CEACAM8: variants seen among roughly 807,000 people sequenced by gnomAD.
CEACAM8 encodes the protein CEA cell adhesion molecule 8.
Under a neutral mutation model 33.4 loss-of-function variants are expected in CEACAM8, and 31 were observed. The observed-to-expected ratio is 0.93, with a 90% confidence interval of 0.70 to 1.25. The LOEUF is 1.25. Among genes scored for constraint, CEACAM8 ranks in the 50% most tolerant of loss-of-function variants. CEACAM8 has a pLI of 0.00. For synonymous variants in CEACAM8, 138 were observed against 164.5 expected (o/e 0.84, Z 1.23); for missense variants, 388 against 434.6 (o/e 0.89, Z 0.95).
rs1042765790 is a variant in CEACAM8, at chr19:42,580,756, A to G, written c.*638T>C. The G allele has an allele frequency of 6.6e-6, 1 of 152,226 alleles. No homozygotes were observed. Among genetic ancestry groups the G allele is most frequent in the Non-Finnish European group, 1.5e-5 (1 of 68,040 alleles). The allele number at this position is 152,226 out of a possible 1,614,324, so 9.4% of individuals were successfully genotyped here. On this transcript the variant is annotated 3_prime_UTR_variant, in exon 6 of 6. Transcript: ENST00000244336. ...AAAGATAAAGAAATTCATAAATCTG[A>G]AAAAGAAAACACTTAAAGAATTGGC... is the stretch of plus-strand genomic sequence containing the variant.
intron 2 of CEACAM8, 35 bp downstream of exon 2, chr19:42,593,506 C>A: frequency 1.3e-6 from 2 of 1,538,172 alleles, no homozygotes; most frequent in Admixed American, 4.0e-5. Context: ...GTAGAACTGA[C>A]CCCCAACACC....
In CEACAM8 at chr19:42,588,829, C is replaced by T. The variant is rs746666064; in HGVS notation, c.913G>A (p.Ala305Thr). The T allele has an allele frequency of 3.7e-6, 6 of 1,614,162 alleles. No homozygotes were observed. In the South Asian group the frequency reaches 6.6e-5, roughly 18 times the overall value. ...GSYACHTTNSATGRNRTTVRM... is the reference protein window; with the variant it reads ...GSYACHTTNSTTGRNRTTVRM... The stretch of plus-strand genomic sequence containing the variant: ...ACTGTGGTCCTGTTGCGGCCAGTGG[C>T]TGAGTTAGTGGTGTGGCAGGCATAG... The change falls in exon 4 of 6, where the codon GCC becomes ACC. Residue 305 changes from alanine (A) to threonine (T), a missense_variant. Coordinates refer to ENST00000244336, the MANE Select transcript of CEACAM8 (RefSeq NM_001816.4).
intron 4 of CEACAM8, among the ~76,000 whole-genome samples, chr19:42,584,310 C>T (rs1197393002): frequency 6.6e-6 from 1 of 152,180 alleles, no homozygotes. Flanking sequence ...ATGATTAATG[C>T]TATGTTAGCT....
Position 42,581,182 on chromosome 19 carries a change from A to C in CEACAM8, c.*212T>G, listed in dbSNP as rs2147851667. 6.6e-6 allele frequency: 1 copy of C among 152,312 alleles called. No individual in the cohort carries two copies. Among genetic ancestry groups the C allele is most frequent in the African/African-American group, 2.4e-5 (1 of 41,568 alleles). 9.4% of individuals were successfully genotyped at this position (152,312 alleles called of 1,614,324 possible). ...CTGTGTTTTGGTGGGCAACTTCACA[A>C]AGGTATCAGCCTGTTTGCAAGTTCA... On this transcript the variant is annotated 3_prime_UTR_variant, in exon 6 of 6. Coordinates refer to ENST00000244336, the MANE Select transcript of CEACAM8 (RefSeq NM_001816.4).
chr19:42,586,797 C>A (rs2042344497), intron 4 of CEACAM8, among the ~76,000 whole-genome samples: 1 of 152,070 alleles, frequency 6.6e-6, no homozygotes, highest in Non-Finnish European at 1.5e-5. Context: ...AGTGAAAAGG[C>A]AACCTTGAAG....
Position 42,591,404 on chromosome 19 carries a change from G to A in CEACAM8, c.425-1669C>T, listed in dbSNP as rs112511731. ...TGAGTCCTGTTAAGAGGACAGAACC[G>A]GTCAGAGAGGAAGTCTTAGGTGTGT... On this transcript the variant is annotated intron_variant, in intron 2 of 5. Coordinates refer to ENST00000244336, the MANE Select transcript of CEACAM8 (RefSeq NM_001816.4). Among the ~76,000 whole-genome samples, 24 of 152,304 alleles carry A rather than the reference G, an allele frequency of 1.6e-4. No individual in the cohort carries two copies. In the East Asian group the frequency reaches 2.7e-3, roughly 17 times the overall value.
intron 2 of CEACAM8, among the ~76,000 whole-genome samples, chr19:42,592,871 G>A (rs1219513400): frequency 1.3e-5 from 2 of 152,130 alleles, no homozygotes; most frequent in African/African-American, 4.8e-5. Context: ...ACTTTCTATG[G>A]AGTCTCCTAA....
intron 2 of CEACAM8, among the ~76,000 whole-genome samples, chr19:42,591,863 T>C (rs2042446162): frequency 6.6e-6 from 1 of 152,154 alleles, no homozygotes; most frequent in East Asian, 1.9e-4. Context: ...GTGTCACATG[T>C]TGGGCCTGTC....
intron 4 of CEACAM8, among the ~76,000 whole-genome samples, chr19:42,587,412 TAACAA>T (rs1332036258): frequency 6.6e-6 from 1 of 152,208 alleles, no homozygotes; most frequent in Non-Finnish European, 1.5e-5. Flanking sequence ...TCTTCAATCT[TAACAA>T]GGAAGAAAAT....
chr19:42,588,965 G>A lies in CEACAM8; in HGVS notation c.777C>T (p.Cys259=), dbSNP rs765726844. The A allele has an allele frequency of 8.1e-6, 13 of 1,614,210 alleles. No homozygotes were observed. Among genetic ancestry groups the A allele is most frequent in the Non-Finnish European group, 9.3e-6 (11 of 1,180,014 alleles). ...YHAGVNLNLS[C]HAASNPPSQY... ...GTGAGGGTGGATTAGAGGCCGCATG[G>A]CAGGAGAGGTTGAGATTTACCCCTG... is the stretch of plus-strand genomic sequence containing the variant. Residue 259 remains cysteine, a synonymous_variant, in exon 4 of 6, where the codon TGC becomes TGT. Coordinates refer to ENST00000244336, the MANE Select transcript of CEACAM8 (RefSeq NM_001816.4).
At chr19:42,584,447 G>T (rs903257683) in intron 4 of CEACAM8, among the ~76,000 whole-genome samples, 1 of 152,206 alleles carries the variant, frequency 6.6e-6, no homozygotes, top group African/African-American at 2.4e-5. Flanking sequence ...GAGGCTTAGA[G>T]TGGTGAAAAA....
intron 3 of CEACAM8, 55 bp downstream of exon 3, chr19:42,589,402 G>T: frequency 3.1e-6 from 5 of 1,612,158 alleles, no homozygotes; most frequent in Non-Finnish European, 4.2e-6. Flanking sequence ...CCTGGCCTCT[G>T]GCTGCGTGGA....
At position 42,581,327 on chromosome 19, in the gene CEACAM8, G is replaced by A. The variant is rs532193168; in HGVS notation, c.*67C>T. On this transcript the variant is annotated 3_prime_UTR_variant, in exon 6 of 6. Transcript: ENST00000244336. ...TTTTGAATGGTAGCTGATTGCAAAT[G>A]CTTTGAGGAAGAATAAAAACAACTG... The A allele has an allele frequency of 2.0e-5, 3 of 152,226 alleles. No individual in the cohort carries two copies. The East Asian group carries it at 5.8e-4, about 29-fold the overall frequency. The allele number at this position is 152,226 out of a possible 1,614,324, so 9.4% of individuals were successfully genotyped here. A position where few individuals can be genotyped will look rare whatever the true frequency, so the allele number is the denominator to read the frequency against.
At chr19:42,583,418 T>A in intron 4 of CEACAM8, 81 bp from the exon 5 acceptor site, 1 of 862,856 alleles carries the variant, frequency 1.2e-6, no homozygotes. Context: ...GCTCCTAGCA[T>A]GAAGTAGTCT....
chr19:42,590,566 A>T (rs1298353306), intron 2 of CEACAM8, among the ~76,000 whole-genome samples: 1 of 152,176 alleles, frequency 6.6e-6, no homozygotes, highest in Non-Finnish European at 1.5e-5. Flanking sequence ...AAGTGCTGGA[A>T]ATTTGGCCCT....
In CEACAM8 at chr19:42,593,822, C is replaced by T. The variant is rs765531872; in HGVS notation, c.143G>A (p.Gly48Glu). 4 of 1,613,972 alleles carry T rather than the reference C, an allele frequency of 2.5e-6. No individual in the cohort carries two copies. Among genetic ancestry groups the T allele is most frequent in the South Asian group, 2.2e-5 (2 of 91,070 alleles). ...GTGGACAAGTAGAAGAACCTCCTTC[C>T]CCTCTGCAGCATTGGATGGCACAGC... ...IEAVPSNAAE[G>E]KEVLLLVHNL... The change falls in exon 2 of 6, where the codon GGG (glycine) becomes GAG (glutamate). Residue 48 changes from glycine (G) to glutamate (E), a missense_variant. Physicochemically the swap from Gly to Glu is moderately conservative, Grantham distance 98. Coordinates refer to ENST00000244336, the MANE Select transcript of CEACAM8 (RefSeq NM_001816.4).
intron 4 of CEACAM8, among the ~76,000 whole-genome samples, chr19:42,587,422 G>A (rs941679869): frequency 6.6e-6 from 1 of 152,180 alleles, no homozygotes; most frequent in African/African-American, 2.4e-5. Flanking sequence ...TAACAAGGAA[G>A]AAAATTCTGA....
chr19:42,594,288 C>T (rs1398757112), intron 1 of CEACAM8, among the ~76,000 whole-genome samples: 1 of 152,182 alleles, frequency 6.6e-6, no homozygotes, highest in African/African-American at 2.4e-5. Context: ...CTGTCTTCCT[C>T]CCCAGGAGAG....
Position 42,588,683 on chromosome 19 carries a change from T to C in CEACAM8, c.958+101A>G, listed in dbSNP as rs934499863. ...AAAGTTGGGGATTTGCTTGTGCTGT[T>C]GGACACAGGCTGGGAATAAAACTTT... On this transcript the variant is annotated intron_variant, in intron 4 of 5. Transcript: ENST00000244336. 2.8e-5 allele frequency: 37 copies of C among 1,333,386 alleles called. No homozygotes were observed. In the Middle Eastern group the frequency reaches 7.4e-4, roughly 27 times the overall value. The allele number at this position is 1,333,386 out of a possible 1,614,324, so 82.6% of individuals were successfully genotyped here.
Sources: gnomAD v4.1 joint callset for allele counts (sites outside exome capture counted in the v4.1 genomes callset) on GRCh38, gnomAD v4.1.1 for gene constraint, MANE v1.5 for transcripts, NCBI Gene and HGNC (gene_info 2026-07-23, HGNC 2026-07-21) for gene names.